CAPRIN1: variants seen among roughly 807,000 people sequenced by gnomAD.
The protein encoded by CAPRIN1 is caprin-1.
A neutral mutation model predicts 100.9 loss-of-function variants in CAPRIN1; 29 were observed. The ratio of observed to expected loss-of-function variants is 0.29; its 90% CI spans 0.21 to 0.39. The LOEUF is 0.39. Ranked by LOEUF, CAPRIN1 falls within the 10% of genes least tolerant of loss-of-function variation. The probability of loss-of-function intolerance (pLI) is 1.00; values close to 1 mark genes in which losing one functional copy is unlikely to be tolerated. For missense variants in CAPRIN1, 795 were observed against 876.7 expected, an observed-to-expected ratio of 0.91 and a Z score of 1.18; for synonymous variants, 338 against 307.5, an observed-to-expected ratio of 1.10 and a Z score of -1.04.
Position 34,096,595 on chromosome 11 carries a change from CGTG to C in CAPRIN1, c.1826_1828del (p.Gly609del). The C allele has an allele frequency of 6.2e-7, 1 of 1,613,916 alleles. No individual in the cohort carries two copies. Among genetic ancestry groups the C allele is most frequent in the Non-Finnish European group, 8.5e-7 (1 of 1,179,920 alleles). On this transcript the variant is annotated inframe_deletion, in exon 16 of 19. Transcript: ENST00000341394. ...TAGCAATCAGCCCTATTACAATAGT[CGTG>C]GTGTGTCTCGTGGAGGCTCCCGTGG... is the stretch of plus-strand genomic sequence containing the variant.
chr11:34,089,368 A>T, intron 11 of CAPRIN1, 27 bp from the exon 12 acceptor site: 1 of 1,507,712 alleles, frequency 6.6e-7, no homozygotes, highest in Non-Finnish European at 9.1e-7. Context: ...ATTTTGTTTG[A>T]CAAAAATGTT....
chr11:34,075,837 A>G (rs1428091354), intron 4 of CAPRIN1, among the ~76,000 whole-genome samples: 1 of 152,212 alleles, frequency 6.6e-6, no homozygotes, highest in African/African-American at 2.4e-5. Flanking sequence ...AGATATATAT[A>G]CCTAACTAAA....
intron 18 of CAPRIN1, chr11:34,098,185 C>T (rs1309560358): frequency 2.0e-6 from 2 of 995,902 alleles, no homozygotes; most frequent in East Asian, 1.1e-4. Flanking sequence ...GGCCAGACAC[C>T]CTTTAATGGC....
intron 2 of CAPRIN1, among the ~76,000 whole-genome samples, chr11:34,066,217 G>A (rs940227460): frequency 7.0e-4 from 106 of 152,288 alleles, no homozygotes; most frequent in Admixed American, 6.9e-3. Flanking sequence ...CTTGAGCTCA[G>A]ATGGTTTCCT....
chr11:34,093,759 C>T (rs529312156), intron 15 of CAPRIN1, among the ~76,000 whole-genome samples: 11 of 151,216 alleles, frequency 7.3e-5, no homozygotes, highest in African/African-American at 2.4e-4. Context: ...ACCTCAGTCT[C>T]CCAAGTAGCA....
At chr11:34,093,730 G>T (rs951792818) in intron 15 of CAPRIN1, among the ~76,000 whole-genome samples, 1 of 151,882 alleles carries the variant, frequency 6.6e-6, no homozygotes, top group Admixed American at 6.6e-5. Flanking sequence ...CTCTGCTTCT[G>T]GGTTCAAGGG....
At chr11:34,078,801 C>T (rs1850955468) in intron 6 of CAPRIN1, among the ~76,000 whole-genome samples, 1 of 152,158 alleles carries the variant, frequency 6.6e-6, no homozygotes, top group Non-Finnish European at 1.5e-5. Flanking sequence ...ACACTTCTTC[C>T]CCTCTACTCT....
At chr11:34,059,720 C>G (rs1172995576) in intron 2 of CAPRIN1, among the ~76,000 whole-genome samples, 1 of 152,080 alleles carries the variant, frequency 6.6e-6, no homozygotes, top group Non-Finnish European at 1.5e-5. Flanking sequence ...TCATTAACAA[C>G]CCTGTTAAAA....
chr11:34,085,439 A>G (rs530214064), intron 9 of CAPRIN1, among the ~76,000 whole-genome samples: 1 of 147,668 alleles, frequency 6.8e-6, no homozygotes, highest in Admixed American at 6.8e-5. Flanking sequence ...TATAGAAGGC[A>G]TAACAGTTTT....
chr11:34,086,865 A>G (rs548250574), intron 11 of CAPRIN1, among the ~76,000 whole-genome samples: 5 of 152,356 alleles, frequency 3.3e-5, no homozygotes, highest in Middle Eastern at 3.4e-3. Context: ...TAAAATTTCA[A>G]AATTAATCTA....
Position 34,089,407 on chromosome 11 carries a change from C to G in CAPRIN1, c.1244C>G (p.Ser415Cys). The change falls in exon 12 of 19, where the codon TCT (serine) becomes TGT (cysteine). Residue 415 changes from serine to cysteine, a missense_variant. This residue lies in a region of CAPRIN1 where 648 missense variants were observed against 697.9 expected (regional missense o/e 0.93). Transcript: ENST00000341394. The stretch of plus-strand genomic sequence containing the variant: ...GTCACCTTTGCAGTTCATTCTGAAT[C>G]TAGACTTGCTCAGCCTAATCAAGTT... ...QLVCPPVHSESRLAQPNQVPV... is the reference protein window; with the variant it reads ...QLVCPPVHSECRLAQPNQVPV... 2 of 1,598,650 alleles carry G rather than the reference C, an allele frequency of 1.3e-6. No individual in the cohort carries two copies. The highest frequency in any genetic ancestry group is 1.7e-6 in the Non-Finnish European group (2 of 1,170,354).
At chr11:34,057,218 A>G (rs893110128) in intron 2 of CAPRIN1, among the ~76,000 whole-genome samples, 2 of 152,230 alleles carry the variant, frequency 1.3e-5, no homozygotes, top group Non-Finnish European at 2.9e-5. Context: ...TTCTTCTGCA[A>G]TGCAGAGGGC....
chr11:34,089,366 T>A (rs1212822537), intron 11 of CAPRIN1, 29 bp from the exon 12 acceptor site: 1 of 1,491,178 alleles, frequency 6.7e-7, no homozygotes. Context: ...TAATTTTGTT[T>A]GACAAAAATG....
At chr11:34,097,398 C>T in intron 17 of CAPRIN1, 102 bp downstream of exon 17, 1 of 976,622 alleles carries the variant, frequency 1.0e-6, no homozygotes, top group Admixed American at 2.0e-5. Flanking sequence ...TTGGCGTTAA[C>T]TTTGTGGTGT....
At position 34,091,866 on chromosome 11, in the gene CAPRIN1, A is replaced by T. The variant is rs775947603; in HGVS notation, c.1555-40A>T. The T allele has an allele frequency of 1.9e-6, 3 of 1,571,000 alleles. No homozygotes were observed. In the Admixed American group the frequency reaches 5.5e-5, roughly 29 times the overall value. On this transcript the variant is annotated intron_variant, in intron 14 of 18. Coordinates refer to ENST00000341394, the MANE Select transcript of CAPRIN1 (RefSeq NM_005898.5). ...GTTTGGCCATGTTATAAACCAGAGA[A>T]TAAAAGGATGAACTAATCATTTACT...
intron 9 of CAPRIN1, among the ~76,000 whole-genome samples, chr11:34,085,223 A>G (rs980857051): frequency 5.9e-5 from 9 of 152,188 alleles, no homozygotes; most frequent in Admixed American, 6.5e-5. Context: ...GGAAATTATT[A>G]GAGCTGGGAA....
Position 34,076,230 on chromosome 11 carries a change from T to C in CAPRIN1, c.367-6T>C. 1 of 1,604,108 alleles carries C rather than the reference T, an allele frequency of 6.2e-7. No homozygotes were observed. The highest frequency in any genetic ancestry group is 1.7e-5 in the Admixed American group (1 of 59,476). The stretch of plus-strand genomic sequence containing the variant: ...TTTGGTGTTTTACTTTTATATTGTT[T>C]TGCAGATTCAGAAAACAATAAAGAA... On this transcript the variant is annotated splice_polypyrimidine_tract_variant and splice_region_variant and intron_variant, in intron 4 of 18. Coordinates refer to ENST00000341394, the MANE Select transcript of CAPRIN1 (RefSeq NM_005898.5).
intron 15 of CAPRIN1, among the ~76,000 whole-genome samples, chr11:34,095,249 T>G (rs1245500751): frequency 8.6e-3 from 1 of 116 alleles, no homozygotes; most frequent in African/African-American, 0.045. Flanking sequence ...CTGTTATTGA[T>G]AAAATGATTC....
intron 2 of CAPRIN1, chr11:34,063,343 G>A (rs897597564): frequency 3.3e-5 from 5 of 152,156 alleles, no homozygotes; most frequent in African/African-American, 1.2e-4. Context: ...TGATTTTTCT[G>A]GGATTTAAGA....
Sources: allele counts gnomAD v4.1 joint callset (sites outside exome capture counted in the v4.1 genomes callset), GRCh38; gene constraint gnomAD v4.1.1; regional missense constraint gnomAD v4.1.1; transcripts MANE v1.5; gene names NCBI Gene and HGNC (gene_info 2026-07-23, HGNC 2026-07-21).